The following ZC3H13 variants were observed in gnomAD, a reference collection of about 807,000 sequenced individuals.
The protein encoded by ZC3H13 is zinc finger CCCH domain-containing protein 13.
Under a neutral mutation model 204.1 loss-of-function variants are expected in ZC3H13, and 64 were observed. The observed-to-expected ratio is 0.31, with a 90% CI of 0.26 to 0.39. The LOEUF (loss-of-function observed/expected upper bound fraction) is 0.39. Among genes scored for constraint, ZC3H13 ranks in the 10% least tolerant of loss-of-function variants. ZC3H13 has a pLI of 1.00. For missense variants in ZC3H13, 1,833 were observed against 2,082.7 expected (o/e 0.88, Z 2.33); for synonymous variants, 667 against 693.7 (o/e 0.96, Z 0.60).
Position 45,957,286 on chromosome 13 carries a change from T to G in ZC3H13, c.4851A>C (p.Lys1617Asn). The change falls in exon 19 of 19, where the codon AAA (lysine) becomes AAC (asparagine). Residue 1617 changes from lysine (K) to asparagine (N), a missense_variant. Physicochemically the swap from Lys to Asn is moderately conservative, Grantham distance 94. This residue lies in a region of ZC3H13 where 211 missense variants were observed against 228.4 expected (regional missense o/e 0.92). Transcript: ENST00000679008. ...CCATTGGAGCACTCGTGTAAGCTTG[T>G]TTTATGGTGCCCTATTTGAAGAAAA... ...QLVKNEKGTIKQAYTSAPMVD... is the reference protein window; with the variant it reads ...QLVKNEKGTINQAYTSAPMVD... 1 of 1,521,464 alleles carries G rather than the reference T, an allele frequency of 6.6e-7. No individual in the cohort carries two copies. Among genetic ancestry groups the G allele is most frequent in the East Asian group, 2.5e-5 (1 of 40,306 alleles). 94.2% of individuals were successfully genotyped at this position (1,521,464 alleles called of 1,614,324 possible). A position where few individuals can be genotyped will look rare whatever the true frequency, so the allele number is the denominator to read the frequency against.
At chr13:46,021,696 A>T (rs2042228175) in intron 4 of ZC3H13, among the ~76,000 whole-genome samples, 1 of 151,966 alleles carries the variant, frequency 6.6e-6, no homozygotes, top group African/African-American at 2.4e-5. Context: ...TTTGTAAGTT[A>T]TATGAGAATA....
rs1951209909 is a variant in ZC3H13, at chr13:45,955,039, C to T, written c.*2088G>A. 6.6e-6 allele frequency: 1 copy of T among 152,162 alleles called. No individual in the cohort carries two copies. Among genetic ancestry groups the T allele is most frequent in the African/African-American group, 2.4e-5 (1 of 41,434 alleles). 9.4% of individuals were successfully genotyped at this position (152,162 alleles called of 1,614,324 possible). On this transcript the variant is annotated 3_prime_UTR_variant, in exon 19 of 19. Coordinates refer to ENST00000679008, the MANE Select transcript of ZC3H13 (RefSeq NM_001330564.2). ...TACTCTTGCCCTTTATCTATCTACA[C>T]AATTCCTTATTACCAGCAGCTGGAA...
chr13:46,009,870 C>A (rs1407703740), intron 7 of ZC3H13, among the ~76,000 whole-genome samples: 1 of 151,832 alleles, frequency 6.6e-6, no homozygotes, highest in Non-Finnish European at 1.5e-5. Flanking sequence ...AAATGTTCCA[C>A]AGAAAAGCAG....
chr13:45,980,689 T>A (rs1011296531), intron 10 of ZC3H13, among the ~76,000 whole-genome samples: 14 of 152,210 alleles, frequency 9.2e-5, no homozygotes, highest in African/African-American at 3.4e-4. Context: ...CATATAGCAT[T>A]ATTCCATTTA....
chr13:45,972,419 A>ATAAT (rs973132301), intron 12 of ZC3H13, among the ~76,000 whole-genome samples: 6 of 152,170 alleles, frequency 3.9e-5, no homozygotes, highest in African/African-American at 1.4e-4. Flanking sequence ...ACAGAGTGAT[A>ATAAT]TAATGGGCTT....
chr13:46,009,058 C>T (rs1018928335), intron 7 of ZC3H13, among the ~76,000 whole-genome samples: 4 of 152,022 alleles, frequency 2.6e-5, no homozygotes, highest in Admixed American at 1.3e-4. Flanking sequence ...AAATATAATG[C>T]AACAGGCAAT....
chr13:45,990,660 G>C (rs1018854447), intron 8 of ZC3H13, among the ~76,000 whole-genome samples: 1 of 152,126 alleles, frequency 6.6e-6, no homozygotes, highest in Non-Finnish European at 1.5e-5. Flanking sequence ...ATACTCAACG[G>C]GTCTTAGCCA....
At chr13:46,010,965 C>T (rs2041519785) in intron 6 of ZC3H13, among the ~76,000 whole-genome samples, 1 of 152,118 alleles carries the variant, frequency 6.6e-6, no homozygotes, top group Non-Finnish European at 1.5e-5. Flanking sequence ...CTCCTGAATC[C>T]ATGATTTTAA....
chr13:45,981,507 G>C (rs1953605507), intron 10 of ZC3H13, among the ~76,000 whole-genome samples: 1 of 151,938 alleles, frequency 6.6e-6, no homozygotes, highest in African/African-American at 2.4e-5. Flanking sequence ...CCCAGTAATG[G>C]GATGGCTGGG....
At chr13:45,994,888 T>C (rs1205401546) in intron 8 of ZC3H13, among the ~76,000 whole-genome samples, 1 of 152,016 alleles carries the variant, frequency 6.6e-6, no homozygotes, top group African/African-American at 2.4e-5. Flanking sequence ...CCAGACATAA[T>C]ACCTTCCCAG....
At chr13:46,017,445 T>C (rs531195596) in intron 5 of ZC3H13, among the ~76,000 whole-genome samples, 4 of 152,284 alleles carry the variant, frequency 2.6e-5, no homozygotes, top group African/African-American at 9.6e-5. Context: ...TTAAGCCAGA[T>C]ATTAAAACAA....
At position 45,969,922 on chromosome 13, in the gene ZC3H13, A is replaced by G. The variant is rs749790840; in HGVS notation, c.2622T>C (p.Arg874=). ...CTGTGAGGTGCGAGGGACTAAGAGA[A>G]CGAGATTCTTGAGGTCGTACAACTT... The part of the protein sequence containing the change: ...LSQVVRPQES[R]SLSPSHLTED... The change falls in exon 14 of 19, where the codon CGT becomes CGC. Residue 874 remains arginine (R), a synonymous_variant. Coordinates refer to ENST00000679008, the MANE Select transcript of ZC3H13 (RefSeq NM_001330564.2). 1 of 1,613,436 alleles carries G rather than the reference A, an allele frequency of 6.2e-7. No homozygotes were observed. Among genetic ancestry groups the G allele is most frequent in the Non-Finnish European group, 8.5e-7 (1 of 1,179,950 alleles).
At position 45,970,394 on chromosome 13, in the gene ZC3H13, T is replaced by G; in HGVS notation, c.2540A>C (p.Asp847Ala). 6.2e-7 allele frequency: 1 copy of G among 1,613,954 alleles called. No individual in the cohort carries two copies. Among genetic ancestry groups the G allele is most frequent in the Non-Finnish European group, 8.5e-7 (1 of 1,179,866 alleles). Residue 847 changes from aspartate (D) to alanine (A), a missense_variant, in exon 13 of 19, where the codon GAC becomes GCC. By Grantham distance (126) the Asp-to-Ala change is moderately radical (BLOSUM62 -2). Around this residue, in one of 5 missense-constraint regions of ZC3H13, gnomAD observed 1,574 missense variants for 1,757.2 expected, o/e 0.90. Transcript: ENST00000679008. ...SPKRRREHSP[D>A]SDAYNSGDDK... is the part of the protein sequence containing the mutation. ...ATCTCCACTGTTGTAGGCATCACTGTCCGGAGAATGTTCACGCCGGCGCTT... is the reference window on the plus strand; with the variant it reads ...ATCTCCACTGTTGTAGGCATCACTGGCCGGAGAATGTTCACGCCGGCGCTT...
chr13:46,006,432 A>G (rs1330459882), intron 7 of ZC3H13, among the ~76,000 whole-genome samples: 1 of 151,942 alleles, frequency 6.6e-6, no homozygotes, highest in Non-Finnish European at 1.5e-5. Context: ...TGTCTTCTAA[A>G]TACAATATCC....
chr13:45,983,405 A>ATATATATATATATATATATATATATG (rs1353519702), intron 10 of ZC3H13, among the ~76,000 whole-genome samples: 1 of 21,764 alleles, frequency 4.6e-5, no homozygotes, highest in Non-Finnish European at 7.4e-5. Context: ...TTCTACTTAT[A>ATATATATATATATATATATATATATG]TATATATATT....
At chr13:46,003,041 T>TA (rs1439193452) in intron 8 of ZC3H13, 98 bp downstream of exon 8, 36 of 1,246,388 alleles carry the variant, frequency 2.9e-5, no homozygotes, top group Non-Finnish European at 1.6e-5. Context: ...TAAACAAAAC[T>TA]AAAAAACCCA....
intron 5 of ZC3H13, among the ~76,000 whole-genome samples, chr13:46,018,203 G>A (rs1325331611): frequency 1.3e-5 from 2 of 152,132 alleles, no homozygotes; most frequent in Admixed American, 1.3e-4. Flanking sequence ...GGCCATTTAG[G>A]ATAGTAACAA....
intron 7 of ZC3H13, among the ~76,000 whole-genome samples, chr13:46,005,823 G>A (rs1458581225): frequency 6.6e-6 from 1 of 152,076 alleles, no homozygotes; most frequent in Non-Finnish European, 1.5e-5. Context: ...GCTGGGCGAC[G>A]TGGCTCATAC....
rs974113960 is a variant in ZC3H13, at chr13:45,985,848, A to T, written c.1256-87T>A. The stretch of plus-strand genomic sequence containing the variant: ...ACATATTTAATACAGAACTTTAAAA[A>T]TTTTATTATAATGACAATTCGTGTT... On this transcript the variant is annotated intron_variant, in intron 9 of 18. Transcript: ENST00000679008. 1.8e-5 allele frequency: 22 copies of T among 1,217,900 alleles called. No homozygotes were observed. The African/African-American group carries it at 3.1e-4, about 17-fold the overall frequency. The allele number at this position is 1,217,900 out of a possible 1,614,324, so 75.4% of individuals were successfully genotyped here.
Sources: gnomAD v4.1 joint callset for allele counts (sites outside exome capture counted in the v4.1 genomes callset) on GRCh38, gnomAD v4.1.1 for gene constraint, gnomAD v4.1.1 regional missense constraint, MANE v1.5 for transcripts, NCBI Gene and HGNC (gene_info 2026-07-23, HGNC 2026-07-21) for gene names.